Variants in GRIN2B observed in about 807,000 individuals in gnomAD.
GRIN2B encodes the protein glutamate receptor ionotropic, NMDA 2B.
Under a neutral mutation model 114.5 loss-of-function variants are expected in GRIN2B, and 5 were observed. That is an observed-to-expected ratio of 0.04 (90% CI 0.02 to 0.09). The LOEUF (loss-of-function observed/expected upper bound fraction) is 0.09, where lower values mean the gene tolerates loss of function less well. Among genes scored for constraint, GRIN2B ranks in the 10% least tolerant of loss-of-function variants. The pLI is 1.00. For synonymous variants in GRIN2B, 787 were observed against 745.1 expected (o/e 1.06, Z -0.92); for missense variants, 1,108 against 1,943.5 (o/e 0.57, Z 8.08).
At chr12:13,573,649 T>A (rs952631840) in intron 10 of GRIN2B, among the ~76,000 whole-genome samples, 2 of 152,220 alleles carry the variant, frequency 1.3e-5, no homozygotes, top group Admixed American at 6.5e-5. Flanking sequence ...ATATTTGAAG[T>A]CCTCTTGGTT....
In GRIN2B at chr12:13,675,670, A is replaced by T. The variant is rs533314601; in HGVS notation, c.1125+75T>A. On this transcript the variant is annotated intron_variant, in intron 5 of 13. Transcript: ENST00000609686. ...GTCTAGGGACAAAAGCCAAAGGACT[A>T]CTTTCCTTCATTGTGTTGCAAAATT... 30 of 843,214 alleles carry T rather than the reference A, an allele frequency of 3.6e-5. No individual in the cohort carries two copies. The African/African-American group carries it at 3.8e-4, about 11-fold the overall frequency. 52.2% of individuals were successfully genotyped at this position (843,214 alleles called of 1,614,324 possible).
chr12:13,607,319 A>T (rs11055539), intron 10 of GRIN2B, among the ~76,000 whole-genome samples: 5,071 of 57,504 alleles, frequency 0.088, 329 homozygotes, highest in South Asian at 0.15. Flanking sequence ...ATATAATATA[A>T]AATATATAAT....
chr12:13,576,234 T>C (rs1948774216), intron 10 of GRIN2B, among the ~76,000 whole-genome samples: 1 of 152,170 alleles, frequency 6.6e-6, no homozygotes, highest in Admixed American at 6.5e-5. Context: ...GGGAGGCCCG[T>C]GGGGAAGAAG....
At chr12:13,583,951 G>A (rs752495513) in intron 10 of GRIN2B, among the ~76,000 whole-genome samples, 5 of 152,078 alleles carry the variant, frequency 3.3e-5, no homozygotes, top group South Asian at 2.1e-4. Context: ...GAGAAGGGAC[G>A]TTTACTGGAA....
At position 13,973,744 on chromosome 12, in the gene GRIN2B, C is replaced by T. The variant is rs549655564; in HGVS notation, c.-19+6184G>A. Among the ~76,000 whole-genome samples the T allele has an allele frequency of 1.1e-4, 17 of 152,314 alleles. No homozygotes were observed. In the South Asian group the frequency reaches 3.5e-3, roughly 32 times the overall value. On this transcript the variant is annotated intron_variant, in intron 2 of 13. Transcript: ENST00000609686. ...AATGCATCTTTAATAAGTCATCAGG[C>T]TGAGCTTAGGTTTCTTCTGCTAATG... is the stretch of plus-strand genomic sequence containing the variant.
At chr12:13,799,110 T>C (rs1864463790) in intron 3 of GRIN2B, among the ~76,000 whole-genome samples, 1 of 152,178 alleles carries the variant, frequency 6.6e-6, no homozygotes, top group African/African-American at 2.4e-5. Flanking sequence ...CAACCACCCA[T>C]TGCATCCCCT....
chr12:13,675,617 A>G, intron 5 of GRIN2B, 128 bp downstream of exon 5: 1 of 728,752 alleles, frequency 1.4e-6, no homozygotes, highest in Middle Eastern at 2.3e-4. Flanking sequence ...TCTCCTGTGT[A>G]TCAAGGTATT....
At chr12:13,864,465 A>G (rs1455986737) in intron 3 of GRIN2B, among the ~76,000 whole-genome samples, 1 of 152,248 alleles carries the variant, frequency 6.6e-6, no homozygotes. Context: ...GATAAAAAGT[A>G]TGACAATGAC....
At chr12:13,584,150 T>A in intron 10 of GRIN2B, among the ~76,000 whole-genome samples, 1 of 152,044 alleles carries the variant, frequency 6.6e-6, no homozygotes, top group Non-Finnish European at 1.5e-5. Context: ...CCTCACCCAC[T>A]CCTCAGGAGC....
intron 3 of GRIN2B, among the ~76,000 whole-genome samples, chr12:13,796,042 T>C (rs796972449): frequency 3.4e-5 from 5 of 147,244 alleles, no homozygotes; most frequent in African/African-American, 1.3e-4. Flanking sequence ...GTAACAAACC[T>C]GCACGTTGTA....
intron 4 of GRIN2B, among the ~76,000 whole-genome samples, chr12:13,681,739 T>C (rs755568050): frequency 2.6e-5 from 4 of 152,164 alleles, no homozygotes; most frequent in Non-Finnish European, 5.9e-5. Flanking sequence ...CATGATTTTA[T>C]GGGATACATA....
chr12:13,666,686 A>C (rs924132888), intron 5 of GRIN2B, among the ~76,000 whole-genome samples: 1 of 152,106 alleles, frequency 6.6e-6, no homozygotes, highest in Non-Finnish European at 1.5e-5. Flanking sequence ...TACATGAATT[A>C]TTTCTACCCT....
chr12:13,710,457 C>T (rs1228978168), intron 4 of GRIN2B, among the ~76,000 whole-genome samples: 1 of 152,092 alleles, frequency 6.6e-6, no homozygotes, highest in Admixed American at 6.6e-5. Context: ...TTGCAGATGA[C>T]ACGATTGTAT....
chr12:13,834,231 G>C (rs1865211788), intron 3 of GRIN2B, among the ~76,000 whole-genome samples: 1 of 133,788 alleles, frequency 7.5e-6, no homozygotes, highest in Non-Finnish European at 1.6e-5. Flanking sequence ...TAGAGATGGG[G>C]TTTCACCGTG....
At chr12:13,867,679 A>G (rs1439868402) in intron 2 of GRIN2B, among the ~76,000 whole-genome samples, 1 of 152,194 alleles carries the variant, frequency 6.6e-6, no homozygotes, top group Non-Finnish European at 1.5e-5. Flanking sequence ...CCCATTTCTC[A>G]AATAGAAAAA....
At chr12:13,867,841 G>C (rs959708883) in intron 2 of GRIN2B, among the ~76,000 whole-genome samples, 2 of 150,686 alleles carry the variant, frequency 1.3e-5, no homozygotes, top group Admixed American at 6.6e-5. Context: ...TCTACAAAGA[G>C]AGAGAGCATA....
At chr12:13,831,407 T>C (rs938579672) in intron 3 of GRIN2B, among the ~76,000 whole-genome samples, 2 of 152,136 alleles carry the variant, frequency 1.3e-5, no homozygotes, top group African/African-American at 4.8e-5. Flanking sequence ...ATTCTCAGTG[T>C]TTATTAACTG....
intron 11 of GRIN2B, among the ~76,000 whole-genome samples, chr12:13,571,238 G>A (rs1269311394): frequency 6.6e-6 from 1 of 152,140 alleles, no homozygotes; most frequent in African/African-American, 2.4e-5. Context: ...GCTTGTGGAG[G>A]CCAAATGAAC....
At chr12:13,640,427 C>A (rs1949704600) in intron 5 of GRIN2B, among the ~76,000 whole-genome samples, 1 of 152,108 alleles carries the variant, frequency 6.6e-6, no homozygotes, top group Non-Finnish European at 1.5e-5. Context: ...ATTGTTAAGC[C>A]TATCTTGTCT....
Sources: allele counts gnomAD v4.1 joint callset (sites outside exome capture counted in the v4.1 genomes callset), GRCh38; gene constraint gnomAD v4.1.1; transcripts MANE v1.5; gene names NCBI Gene and HGNC (gene_info 2026-07-23, HGNC 2026-07-21).